Variants in SYN3 observed in about 807,000 individuals in gnomAD.
SYN3 encodes synapsin-3.
A neutral mutation model predicts 65.8 loss-of-function variants in SYN3; 35 were observed. That is an observed-to-expected ratio of 0.53 (90% confidence interval 0.41 to 0.70). SYN3 has a LOEUF of 0.70. Ranked by LOEUF, SYN3 falls within the 30% of genes least tolerant of loss-of-function variation. The pLI is 0.00. For synonymous variants in SYN3, 270 were observed against 292.9 expected (o/e 0.92, Z 0.80); for missense variants, 680 against 749.0 (o/e 0.91, Z 1.08).
At chr22:32,839,511 C>T (rs2047833638) in intron 6 of SYN3, among the ~76,000 whole-genome samples, 1 of 152,116 alleles carries the variant, frequency 6.6e-6, no homozygotes, top group Non-Finnish European at 1.5e-5. Context: ...GATTCACAGT[C>T]CTCCCTCCCC....
chr22:32,593,435 A>G (rs765345429), intron 7 of SYN3, among the ~76,000 whole-genome samples: 27 of 152,162 alleles, frequency 1.8e-4, no homozygotes, highest in Non-Finnish European at 3.7e-4. Context: ...GATAGTGGAA[A>G]TGGGTGGAGA....
chr22:32,640,262 T>C (rs1601818290), intron 6 of SYN3, among the ~76,000 whole-genome samples: 1 of 152,324 alleles, frequency 6.6e-6, no homozygotes, highest in African/African-American at 2.4e-5. Flanking sequence ...ATTTATCCCA[T>C]GCCTCTCTGC....
chr22:32,668,504 A>T (rs2060321067), intron 6 of SYN3, among the ~76,000 whole-genome samples: 1 of 142,292 alleles, frequency 7.0e-6, no homozygotes, highest in South Asian at 2.2e-4. Flanking sequence ...TCCTCCCTTC[A>T]CTCCTTTCCT....
At chr22:32,610,117 C>T (rs2059421467) in intron 6 of SYN3, among the ~76,000 whole-genome samples, 1 of 152,020 alleles carries the variant, frequency 6.6e-6, no homozygotes, top group Non-Finnish European at 1.5e-5. Flanking sequence ...CCCGTCTCTA[C>T]TAAAAATACA....
At chr22:32,562,595 C>T (rs1430519870) in intron 7 of SYN3, among the ~76,000 whole-genome samples, 2 of 152,244 alleles carry the variant, frequency 1.3e-5, no homozygotes, top group Non-Finnish European at 2.9e-5. Context: ...TTGACCGGCT[C>T]TGCCCCCTGT....
intron 3 of SYN3, among the ~76,000 whole-genome samples, chr22:32,976,400 T>A (rs1025996062): frequency 2.6e-5 from 4 of 152,184 alleles, no homozygotes; most frequent in Admixed American, 6.5e-5. Flanking sequence ...CTGGCCGTGG[T>A]GATTTCAGTC....
At chr22:32,739,343 G>A (rs1023227726) in intron 6 of SYN3, among the ~76,000 whole-genome samples, 1 of 150,062 alleles carries the variant, frequency 6.7e-6, no homozygotes, top group East Asian at 2.0e-4. Flanking sequence ...GGCCTCCCCA[G>A]CCACATGGAA....
At chr22:33,042,747 C>T (rs147705318) in intron 1 of SYN3, among the ~76,000 whole-genome samples, 1 of 152,258 alleles carries the variant, frequency 6.6e-6, no homozygotes, top group East Asian at 1.9e-4. Flanking sequence ...CAATCCAAGG[C>T]AGCCAGTCAT....
intron 6 of SYN3, among the ~76,000 whole-genome samples, chr22:32,606,320 AAC>A (rs2059371690): frequency 6.6e-6 from 1 of 152,162 alleles, no homozygotes; most frequent in Non-Finnish European, 1.5e-5. Flanking sequence ...AGACATTTAA[AAC>A]AGACTCATTC....
At chr22:32,804,177 G>T (rs2145943545) in intron 6 of SYN3, among the ~76,000 whole-genome samples, 1 of 152,320 alleles carries the variant, frequency 6.6e-6, no homozygotes, top group Non-Finnish European at 1.5e-5. Context: ...AATCTTCGAT[G>T]CTCTGGCACG....
At chr22:33,026,359 A>G (rs962420516) in intron 1 of SYN3, among the ~76,000 whole-genome samples, 28 of 152,086 alleles carry the variant, frequency 1.8e-4, no homozygotes, top group African/African-American at 6.8e-4. Flanking sequence ...CCCTGTCTGA[A>G]AGGGTTGATG....
intron 3 of SYN3, among the ~76,000 whole-genome samples, chr22:32,946,874 G>T (rs962385206): frequency 6.6e-6 from 1 of 152,096 alleles, no homozygotes; most frequent in Non-Finnish European, 1.5e-5. Flanking sequence ...TAATTCTTTG[G>T]TCTCTAGATG....
intron 1 of SYN3, among the ~76,000 whole-genome samples, chr22:33,024,909 T>C (rs977271481): frequency 1.3e-5 from 2 of 152,192 alleles, no homozygotes; most frequent in Non-Finnish European, 2.9e-5. Flanking sequence ...TCCTAAAGAA[T>C]GTCGAGTGAT....
chr22:32,554,780 A>G (rs1370020096), intron 7 of SYN3, among the ~76,000 whole-genome samples: 2 of 151,052 alleles, frequency 1.3e-5, no homozygotes, highest in Admixed American at 6.6e-5. Context: ...TGCGAGACAC[A>G]CCCTTCTCTA....
chr22:32,892,317 A>AAAAATAG (rs1459747735), intron 4 of SYN3, among the ~76,000 whole-genome samples: 1 of 151,970 alleles, frequency 6.6e-6, no homozygotes, highest in African/African-American at 2.4e-5. Flanking sequence ...ATAAAAAATA[A>AAAAATAG]AAAAGCCACC....
intron 6 of SYN3, among the ~76,000 whole-genome samples, chr22:32,760,599 C>T (rs994170831): frequency 3.9e-5 from 6 of 152,084 alleles, no homozygotes; most frequent in Non-Finnish European, 7.4e-5. Flanking sequence ...GCAGAGCTCA[C>T]ATCACACCAG....
intron 6 of SYN3, among the ~76,000 whole-genome samples, chr22:32,657,706 T>A (rs2060162172): frequency 6.6e-6 from 1 of 152,144 alleles, no homozygotes; most frequent in Admixed American, 6.5e-5. Flanking sequence ...ACAGCAGTCA[T>A]GAACTGGGCT....
intron 2 of SYN3, among the ~76,000 whole-genome samples, chr22:32,992,962 T>C (rs1235706121): frequency 6.6e-6 from 1 of 152,194 alleles, no homozygotes; most frequent in Non-Finnish European, 1.5e-5. Context: ...GCATTTGCAT[T>C]GATGGAAGCA....
At position 32,928,316 on chromosome 22, in the gene SYN3, C is replaced by T. The variant is rs147571447; in HGVS notation, c.461+3074G>A. ...CTGCACTCCAGCCTGGGCGACAGAG[C>T]GAGACTCCGTCTCAAAAAAAAAAGA... On this transcript the variant is annotated intron_variant, in intron 4 of 13. Coordinates refer to ENST00000358763, the MANE Select transcript of SYN3 (RefSeq NM_003490.4). 4.1e-4 allele frequency among the ~76,000 whole-genome samples: 62 copies of T among 151,732 alleles called. No homozygotes were observed. The East Asian group carries it at 9.1e-3, about 22-fold the overall frequency.
Sources: gnomAD v4.1 joint callset for allele counts (sites outside exome capture counted in the v4.1 genomes callset) on GRCh38, gnomAD v4.1.1 for gene constraint, MANE v1.5 for transcripts, NCBI Gene and HGNC (gene_info 2026-07-23, HGNC 2026-07-21) for gene names.